Variants in REEP3 observed in about 807,000 individuals in gnomAD.
The protein encoded by REEP3 is receptor expression-enhancing protein 3.
Under a neutral mutation model 41.3 loss-of-function variants are expected in REEP3, and 20 were observed. The ratio of observed to expected loss-of-function variants is 0.48; its 90% CI spans 0.34 to 0.70. The LOEUF (loss-of-function observed/expected upper bound fraction) is 0.70, where lower values mean the gene tolerates loss of function less well. Among genes scored for constraint, REEP3 ranks in the 30% least tolerant of loss-of-function variants. The pLI is 0.01. For synonymous variants in REEP3, 104 were observed against 101.8 expected, an observed-to-expected ratio of 1.02 and a Z score of -0.13; for missense variants, 271 against 308.8, an observed-to-expected ratio of 0.88 and a Z score of 0.92.
Position 63,598,149 on chromosome 10 carries a change from G to A in REEP3, c.303+5G>A, listed in dbSNP as rs1180706659. 2 of 1,568,200 alleles carry A rather than the reference G, an allele frequency of 1.3e-6. No individual in the cohort carries two copies. The highest frequency in any genetic ancestry group is 1.7e-6 in the Non-Finnish European group (2 of 1,145,022). On this transcript the variant is annotated splice_donor_5th_base_variant and intron_variant, in intron 4 of 7. Coordinates refer to ENST00000373758, the MANE Select transcript of REEP3 (RefSeq NM_001001330.3). Reference sequence around the variant, plus strand: ...CTTCTTTCTTCAAAGGAAAGGGTAAGATATATAAATTACTTCCGTAAATAA... The same window carrying A: ...CTTCTTTCTTCAAAGGAAAGGGTAAAATATATAAATTACTTCCGTAAATAA...
At chr10:63,535,312 G>A (rs1955464659) in intron 1 of REEP3, among the ~76,000 whole-genome samples, 1 of 151,780 alleles carries the variant, frequency 6.6e-6, no homozygotes, top group Non-Finnish European at 1.5e-5. Context: ...AATACTGGAA[G>A]GAAAAGAACT....
intron 2 of REEP3, among the ~76,000 whole-genome samples, chr10:63,567,018 A>G (rs1368164226): frequency 6.6e-6 from 1 of 151,934 alleles, no homozygotes; most frequent in African/African-American, 2.4e-5. Context: ...CTCATTTCTC[A>G]TTTTATTCAT....
At chr10:63,553,896 A>C (rs1251492841) in intron 1 of REEP3, among the ~76,000 whole-genome samples, 4 of 152,106 alleles carry the variant, frequency 2.6e-5, no homozygotes, top group African/African-American at 9.7e-5. Context: ...AGGTCAGGAG[A>C]TCGAGACCAT....
chr10:63,532,851 G>A (rs1955436640), intron 1 of REEP3, among the ~76,000 whole-genome samples: 1 of 152,070 alleles, frequency 6.6e-6, no homozygotes, highest in African/African-American at 2.4e-5. Flanking sequence ...GCTGCAGTGA[G>A]CTAGGATCGT....
intron 1 of REEP3, among the ~76,000 whole-genome samples, chr10:63,531,984 AT>A (rs1955425048): frequency 1.3e-5 from 2 of 152,240 alleles, no homozygotes; most frequent in South Asian, 4.1e-4. Context: ...TTGATGAAAA[AT>A]ACTGATATAG....
At chr10:63,524,849 C>T (rs1022151891) in intron 1 of REEP3, among the ~76,000 whole-genome samples, 6 of 151,924 alleles carry the variant, frequency 3.9e-5, no homozygotes, top group African/African-American at 1.2e-4. Flanking sequence ...CACATGAAAC[C>T]GTTGTAAAGA....
At chr10:63,577,193 C>T (rs546921588) in intron 2 of REEP3, among the ~76,000 whole-genome samples, 11 of 152,246 alleles carry the variant, frequency 7.2e-5, no homozygotes, top group South Asian at 6.2e-4. Context: ...GGCTTGGGGG[C>T]GCTCAACATT....
intron 6 of REEP3, among the ~76,000 whole-genome samples, chr10:63,613,992 C>A (rs72838795): frequency 0.065 from 9,838 of 151,940 alleles, 439 homozygotes; most frequent in East Asian, 0.22. Context: ...ACATAAAACT[C>A]TAATACAGGG....
chr10:63,531,345 G>A (rs1046106679), intron 1 of REEP3, among the ~76,000 whole-genome samples: 3 of 152,116 alleles, frequency 2.0e-5, no homozygotes, highest in African/African-American at 4.8e-5. Context: ...TCTCTGTTGT[G>A]GGAGACTCTC....
chr10:63,581,305 CATAAA>C (rs557878319), intron 2 of REEP3, among the ~76,000 whole-genome samples: 3 of 152,026 alleles, frequency 2.0e-5, no homozygotes, highest in Admixed American at 6.5e-5. Flanking sequence ...TAGCTAAATA[CATAAA>C]ATAAAATCAC....
intron 1 of REEP3, among the ~76,000 whole-genome samples, chr10:63,525,295 G>C (rs1955351181): frequency 6.6e-6 from 1 of 152,170 alleles, no homozygotes; most frequent in African/African-American, 2.4e-5. Context: ...AAAGGGACCT[G>C]ATAACCGCCA....
chr10:63,543,218 C>T (rs1275070935), intron 1 of REEP3, among the ~76,000 whole-genome samples: 1 of 152,214 alleles, frequency 6.6e-6, no homozygotes, highest in Non-Finnish European at 1.5e-5. Flanking sequence ...AATCTGTTCA[C>T]ATGAAAATTC....
In REEP3 at chr10:63,619,739, A is replaced by C. The variant is rs1170387258; in HGVS notation, c.650A>C (p.His217Pro). The change falls in exon 7 of 8, where the codon CAC becomes CCC. Residue 217 changes from histidine (H) to proline (P), a missense_variant. Physicochemically the swap from His to Pro is moderately conservative, Grantham distance 77 (BLOSUM62 -2). Transcript: ENST00000373758. ...GPYSDNEMLT[H>P]KGLRRSQSMK... ...TATTCAGATAATGAGATGTTAACACACAAAGGGCTTCGAAGATCGCAAAGC... is the reference window on the plus strand; with the variant it reads ...TATTCAGATAATGAGATGTTAACACCCAAAGGGCTTCGAAGATCGCAAAGC... 1 of 1,609,710 alleles carries C rather than the reference A, an allele frequency of 6.2e-7. No individual in the cohort carries two copies. The highest frequency in any genetic ancestry group is 8.5e-7 in the Non-Finnish European group (1 of 1,177,980).
chr10:63,539,748 A>G (rs1955511156), intron 1 of REEP3, among the ~76,000 whole-genome samples: 1 of 152,232 alleles, frequency 6.6e-6, no homozygotes, highest in African/African-American at 2.4e-5. Flanking sequence ...GTATTATACC[A>G]TATTTAAAAG....
chr10:63,611,271 T>C (rs974032119), intron 6 of REEP3, among the ~76,000 whole-genome samples: 1 of 152,190 alleles, frequency 6.6e-6, no homozygotes, highest in African/African-American at 2.4e-5. Context: ...AGTTTTATAG[T>C]TGAACACTCT....
At chr10:63,603,085 G>A (rs1169546730) in intron 5 of REEP3, among the ~76,000 whole-genome samples, 12 of 150,156 alleles carry the variant, frequency 8.0e-5, no homozygotes, top group African/African-American at 2.7e-4. Flanking sequence ...AGGCTGAGGC[G>A]GGCGGATCAC....
chr10:63,558,671 A>G (rs954502985), intron 1 of REEP3, among the ~76,000 whole-genome samples: 12 of 152,118 alleles, frequency 7.9e-5, no homozygotes, highest in African/African-American at 2.9e-4. Flanking sequence ...TGAACCCAGG[A>G]GGCGGAGGTT....
intron 1 of REEP3, among the ~76,000 whole-genome samples, chr10:63,560,272 T>C (rs1219095190): frequency 1.3e-5 from 2 of 152,182 alleles, no homozygotes; most frequent in Non-Finnish European, 2.9e-5. Context: ...ATCCTTGATA[T>C]TAGTGCTTTG....
chr10:63,576,425 A>G (rs7077256), intron 2 of REEP3, among the ~76,000 whole-genome samples: 66,996 of 151,984 alleles, frequency 0.44, 14,995 homozygotes, highest in Middle Eastern at 0.48. Context: ...GTGAATTCCT[A>G]GCTGCTGATT....
Sources: allele counts gnomAD v4.1 joint callset (sites outside exome capture counted in the v4.1 genomes callset), GRCh38; gene constraint gnomAD v4.1.1; transcripts MANE v1.5; gene names NCBI Gene and HGNC (gene_info 2026-07-23, HGNC 2026-07-21).